The following BMPR2 variants were observed in gnomAD, a reference collection of about 807,000 sequenced individuals.
BMPR2 encodes bone morphogenetic protein receptor type-2.
BMPR2 carries 29 observed loss-of-function variants against 100.8 expected under a neutral mutation model. The ratio of observed to expected loss-of-function variants is 0.29; its 90% CI spans 0.21 to 0.39. The LOEUF (loss-of-function observed/expected upper bound fraction) is 0.39. Ranked by LOEUF, BMPR2 falls within the 10% of genes least tolerant of loss-of-function variation. The probability of loss-of-function intolerance (pLI) is 1.00; values close to 1 mark genes in which losing one functional copy is unlikely to be tolerated. For missense variants in BMPR2, 1,011 were observed against 1,274.5 expected (o/e 0.79, Z 3.15); for synonymous variants, 382 against 442.3 (o/e 0.86, Z 1.71).
intron 1 of BMPR2, among the ~76,000 whole-genome samples, chr2:202,427,517 G>GC (rs1477642648): frequency 6.6e-6 from 1 of 150,712 alleles, no homozygotes; most frequent in African/African-American, 2.4e-5. Flanking sequence ...CAAGAAGCAA[G>GC]CCCTTAACAA....
At chr2:202,491,047 G>A (rs1692890856) in intron 3 of BMPR2, among the ~76,000 whole-genome samples, 1 of 151,790 alleles carries the variant, frequency 6.6e-6, no homozygotes, top group Admixed American at 6.6e-5. Flanking sequence ...TCTCCTACCC[G>A]AGTAGCTGGG....
At chr2:202,416,710 C>T (rs924643458) in intron 1 of BMPR2, among the ~76,000 whole-genome samples, 2 of 152,110 alleles carry the variant, frequency 1.3e-5, no homozygotes, top group Admixed American at 6.5e-5. Flanking sequence ...AGGCATGAGC[C>T]ACTGTGCCCT....
intron 9 of BMPR2, among the ~76,000 whole-genome samples, chr2:202,539,664 A>C (rs1158225011): frequency 6.6e-6 from 1 of 152,106 alleles, no homozygotes; most frequent in Non-Finnish European, 1.5e-5. Context: ...ACAGAGGAAG[A>C]GTGAAATGCT....
At chr2:202,451,922 T>G (rs535620045) in intron 1 of BMPR2, among the ~76,000 whole-genome samples, 102 of 152,050 alleles carry the variant, frequency 6.7e-4, no homozygotes, top group African/African-American at 2.4e-3. Context: ...GCTAAATTTT[T>G]TGTGTGTTTT....
intron 10 of BMPR2, among the ~76,000 whole-genome samples, chr2:202,547,286 T>C (rs910645527): frequency 3.3e-5 from 5 of 152,150 alleles, no homozygotes; most frequent in Non-Finnish European, 5.9e-5. Context: ...TAGCTCACTG[T>C]AGCCTCGAAC....
intron 1 of BMPR2, among the ~76,000 whole-genome samples, chr2:202,380,965 C>CATTTT (rs1690275394): frequency 1.4e-5 from 1 of 70,780 alleles, no homozygotes. Context: ...TTCTTTCTTT[C>CATTTT]TTTTTTTTTT....
chr2:202,507,699 C>CTTTT (rs34200763), intron 3 of BMPR2, among the ~76,000 whole-genome samples: 1 of 142,162 alleles, frequency 7.0e-6, no homozygotes, highest in Non-Finnish European at 1.5e-5. Context: ...CTTTTTTCAT[C>CTTTT]TTTTTTTTTT....
At position 202,555,844 on chromosome 2, in the gene BMPR2, G is replaced by A; in HGVS notation, c.2179G>A (p.Ala727Thr). The part of the protein sequence containing the change: ...ATGQQDFTQT[A>T]NGQACLIPDV... ...TGGACAGCAGGACTTCACACAGACT[G>A]CAAATGGCCAAGCATGTTTGATTCC... Residue 727 changes from alanine (A) to threonine (T), a missense_variant, in exon 12 of 13, where the codon GCA (alanine) becomes ACA (threonine). Ala to Thr is a moderately conservative substitution (Grantham distance 58). Around this residue, in one of 6 missense-constraint regions of BMPR2, gnomAD observed 508 missense variants for 552.0 expected, o/e 0.92. Transcript: ENST00000374580. 3 of 1,614,118 alleles carry A rather than the reference G, an allele frequency of 1.9e-6. No individual in the cohort carries two copies. The highest frequency in any genetic ancestry group is 2.5e-6 in the Non-Finnish European group (3 of 1,180,032).
chr2:202,505,728 A>G (rs540493156), intron 3 of BMPR2, among the ~76,000 whole-genome samples: 18 of 152,316 alleles, frequency 1.2e-4, no homozygotes, highest in African/African-American at 4.3e-4. Flanking sequence ...TAGAAAAATT[A>G]TATAATTTGT....
At chr2:202,542,910 C>T (rs1688303246) in intron 10 of BMPR2, among the ~76,000 whole-genome samples, 2 of 152,124 alleles carry the variant, frequency 1.3e-5, no homozygotes, top group Admixed American at 6.6e-5. Flanking sequence ...GGTGCGGTGG[C>T]TCACACCTGT....
At chr2:202,540,636 A>T (rs1417834822) in intron 9 of BMPR2, among the ~76,000 whole-genome samples, 2 of 152,222 alleles carry the variant, frequency 1.3e-5, no homozygotes, top group Non-Finnish European at 2.9e-5. Context: ...AATAGAAACA[A>T]AACTTAAATG....
chr2:202,377,253 G>A lies in BMPR2; in HGVS notation c.-222G>A. ...GCCGCGGCACCCCGTCCGAGGCGAA[G>A]GAACCCCCCCAGCCGCGAGGGAGAG... is the stretch of plus-strand genomic sequence containing the variant. On this transcript the variant is annotated 5_prime_UTR_variant, in exon 1 of 13. Transcript: ENST00000374580. 1 of 619,494 alleles carries A rather than the reference G, an allele frequency of 1.6e-6. No homozygotes were observed. Among genetic ancestry groups the A allele is most frequent in the Non-Finnish European group, 2.9e-6 (1 of 342,742 alleles). 38.4% of individuals were successfully genotyped at this position (619,494 alleles called of 1,614,324 possible).
At chr2:202,456,347 G>A (rs1026232658) in intron 1 of BMPR2, among the ~76,000 whole-genome samples, 1 of 149,944 alleles carries the variant, frequency 6.7e-6, no homozygotes, top group Admixed American at 6.7e-5. Flanking sequence ...GCCCAGCTAA[G>A]TTTTGTACTT....
At chr2:202,391,588 G>A (rs1355343626) in intron 1 of BMPR2, among the ~76,000 whole-genome samples, 1 of 148,698 alleles carries the variant, frequency 6.7e-6, no homozygotes, top group African/African-American at 2.5e-5. Context: ...CAACACACCT[G>A]ACCAGTGTAC....
chr2:202,535,191 C>G (rs544175550), intron 9 of BMPR2, among the ~76,000 whole-genome samples: 3 of 150,008 alleles, frequency 2.0e-5, no homozygotes, highest in Non-Finnish European at 3.0e-5. Flanking sequence ...GCTGACCCCC[C>G]CCACCTCCCT....
At chr2:202,393,661 A>T (rs893773900) in intron 1 of BMPR2, among the ~76,000 whole-genome samples, 2 of 152,120 alleles carry the variant, frequency 1.3e-5, no homozygotes, top group South Asian at 4.1e-4. Flanking sequence ...TATATTTGAA[A>T]ACAGAATTCT....
intron 10 of BMPR2, among the ~76,000 whole-genome samples, chr2:202,546,123 A>G (rs1688370761): frequency 6.6e-6 from 1 of 152,252 alleles, no homozygotes; most frequent in African/African-American, 2.4e-5. Flanking sequence ...TAAGGAATTC[A>G]TAATACTTGG....
intron 1 of BMPR2, among the ~76,000 whole-genome samples, chr2:202,379,315 T>C (rs1159560791): frequency 6.6e-6 from 1 of 152,218 alleles, no homozygotes; most frequent in Non-Finnish European, 1.5e-5. Flanking sequence ...ATCATTCCCC[T>C]TTTCCATAGA....
At chr2:202,451,364 A>T (rs922262625) in intron 1 of BMPR2, among the ~76,000 whole-genome samples, 1 of 152,242 alleles carries the variant, frequency 6.6e-6, no homozygotes, top group Admixed American at 6.5e-5. Context: ...TGCCTTTGAA[A>T]AAATGGACTT....
Sources: gnomAD v4.1 joint callset for allele counts (sites outside exome capture counted in the v4.1 genomes callset) on GRCh38, gnomAD v4.1.1 for gene constraint, gnomAD v4.1.1 regional missense constraint, MANE v1.5 for transcripts, NCBI Gene and HGNC (gene_info 2026-07-23, HGNC 2026-07-21) for gene names.